PEAK1: variants seen among roughly 807,000 people sequenced by gnomAD.
PEAK1 encodes pseudopodium enriched atypical kinase 1.
Under a neutral mutation model 124.7 loss-of-function variants are expected in PEAK1, and 54 were observed. The ratio of observed to expected loss-of-function variants is 0.43; its 90% CI spans 0.35 to 0.54. The LOEUF is 0.54. Ranked by LOEUF, PEAK1 falls within the 20% of genes least tolerant of loss-of-function variation. The probability of loss-of-function intolerance (pLI) is 0.01; values close to 1 mark genes in which losing one functional copy is unlikely to be tolerated. For missense variants in PEAK1, 2,046 were observed against 2,134.5 expected, an observed-to-expected ratio of 0.96 and a Z score of 0.82; for synonymous variants, 719 against 760.0, an observed-to-expected ratio of 0.95 and a Z score of 0.89.
chr15:77,203,352 G>C (rs188033190), intron 6 of PEAK1, among the ~76,000 whole-genome samples: 4 of 152,292 alleles, frequency 2.6e-5, no homozygotes, highest in African/African-American at 7.2e-5. Flanking sequence ...CTGGGAAATA[G>C]TAGCTGTGAA....
intron 1 of PEAK1, among the ~76,000 whole-genome samples, chr15:77,368,935 T>C (rs957125449): frequency 1.3e-5 from 2 of 152,226 alleles, no homozygotes; most frequent in Admixed American, 1.3e-4. Context: ...GAACTGATTT[T>C]AAACCAGTGA....
chr15:77,182,409 A>T (rs949227801), intron 6 of PEAK1, among the ~76,000 whole-genome samples: 8 of 151,912 alleles, frequency 5.3e-5, no homozygotes, highest in Admixed American at 4.6e-4. Flanking sequence ...CTACCCTTGA[A>T]TGTTTTAGAC....
At chr15:77,360,285 C>T (rs2067799667) in intron 2 of PEAK1, among the ~76,000 whole-genome samples, 1 of 152,046 alleles carries the variant, frequency 6.6e-6, no homozygotes, top group Admixed American at 6.5e-5. Context: ...CAATAAAACT[C>T]CTAGAAGAAA....
chr15:77,412,418 C>T (rs2072488328), intron 1 of PEAK1, among the ~76,000 whole-genome samples: 1 of 152,202 alleles, frequency 6.6e-6, no homozygotes, highest in African/African-American at 2.4e-5. Context: ...TTAATGACAA[C>T]TCTATCCTTC....
chr15:77,412,172 T>C (rs1037153475), intron 1 of PEAK1, among the ~76,000 whole-genome samples: 4 of 152,170 alleles, frequency 2.6e-5, no homozygotes, highest in African/African-American at 9.7e-5. Flanking sequence ...TTAAATTTCT[T>C]CTCTTCTCTA....
chr15:77,133,684 G>C lies in PEAK1; in HGVS notation c.3398C>G (p.Ala1133Gly), dbSNP rs1360477494. Residue 1133 changes from alanine to glycine, a missense_variant, in exon 9 of 10, where the codon GCC becomes GGC. By Grantham distance (60) the Ala-to-Gly change is moderately conservative. Coordinates refer to ENST00000682557, the MANE Select transcript of PEAK1 (RefSeq NM_001385026.1). The surrounding 1 kb of genome is among the most constrained non-coding windows in gnomAD (Gnocchi z 4.2). ...GTCTGTTTTCCCTCCAAAGGCGATG[G>C]CATCGTCCACAGCTCCCTTGGGCTG... ...PRQPKGAVDDAIAFGGKTDQE... is the reference protein window; with the variant it reads ...PRQPKGAVDDGIAFGGKTDQE... The C allele has an allele frequency of 6.2e-7, 1 of 1,614,036 alleles. No homozygotes were observed. Among genetic ancestry groups the C allele is most frequent in the Admixed American group, 1.7e-5 (1 of 60,012 alleles).
At chr15:77,211,741 A>G (rs1437738312) in intron 6 of PEAK1, among the ~76,000 whole-genome samples, 1 of 150,664 alleles carries the variant, frequency 6.6e-6, no homozygotes, top group African/African-American at 2.4e-5. Flanking sequence ...TCAGCTACTC[A>G]GGAGGCTGAG....
At chr15:77,254,825 G>C (rs2061051697) in intron 5 of PEAK1, among the ~76,000 whole-genome samples, 1 of 152,154 alleles carries the variant, frequency 6.6e-6, no homozygotes, top group South Asian at 2.1e-4. Context: ...AAGTAGTAGA[G>C]AAACAATAAA....
chr15:77,151,891 C>G (rs1216111893), intron 8 of PEAK1, among the ~76,000 whole-genome samples: 2 of 152,136 alleles, frequency 1.3e-5, no homozygotes, highest in African/African-American at 2.4e-5. Flanking sequence ...GGTAACAGTA[C>G]CATGCTGTTT....
chr15:77,360,286 C>T (rs2067799904), intron 2 of PEAK1, among the ~76,000 whole-genome samples: 1 of 152,006 alleles, frequency 6.6e-6, no homozygotes, highest in South Asian at 2.1e-4. Flanking sequence ...AATAAAACTC[C>T]TAGAAGAAAA....
At chr15:77,165,252 T>C (rs2056000547) in intron 7 of PEAK1, among the ~76,000 whole-genome samples, 1 of 150,422 alleles carries the variant, frequency 6.6e-6, no homozygotes, top group African/African-American at 2.5e-5. Flanking sequence ...CGGAGTGCAG[T>C]GGCACGAACT....
intron 9 of PEAK1, among the ~76,000 whole-genome samples, chr15:77,126,652 A>G (rs1406085904): frequency 6.6e-6 from 1 of 152,230 alleles, no homozygotes; most frequent in African/African-American, 2.4e-5. Context: ...GTACTATAAC[A>G]ATCATCTGAG....
At chr15:77,252,860 G>A (rs1469380006) in intron 5 of PEAK1, among the ~76,000 whole-genome samples, 2 of 151,982 alleles carry the variant, frequency 1.3e-5, no homozygotes, top group South Asian at 2.1e-4. Flanking sequence ...CATTAAACTC[G>A]AACTTTATAA....
At chr15:77,252,195 C>A (rs2060912997) in intron 6 of PEAK1, among the ~76,000 whole-genome samples, 172 bp downstream of exon 6, 1 of 152,194 alleles carries the variant, frequency 6.6e-6, no homozygotes, top group Non-Finnish European at 1.5e-5. Flanking sequence ...GGAAAAAATT[C>A]TTTTGAGCAA....
chr15:77,303,351 T>C (rs1208397852), intron 2 of PEAK1, among the ~76,000 whole-genome samples: 1 of 152,210 alleles, frequency 6.6e-6, no homozygotes, highest in Non-Finnish European at 1.5e-5. Flanking sequence ...GGCTGTAACA[T>C]TTTACATTCT....
intron 5 of PEAK1, among the ~76,000 whole-genome samples, chr15:77,266,846 C>T (rs931038361): frequency 3.9e-5 from 6 of 152,122 alleles, no homozygotes; most frequent in Admixed American, 2.0e-4. Flanking sequence ...TTTGAAGGAG[C>T]TGGATTGCTG....
intron 2 of PEAK1, among the ~76,000 whole-genome samples, chr15:77,295,964 CTG>C (rs1372905507): frequency 1.3e-5 from 2 of 152,116 alleles, no homozygotes; most frequent in East Asian, 3.9e-4. Context: ...CGTCAATGTG[CTG>C]ATGTTTCTAA....
chr15:77,146,889 C>G lies in PEAK1; in HGVS notation c.3331+11614G>C, dbSNP rs552387129. On this transcript the variant is annotated intron_variant, in intron 8 of 9. Transcript: ENST00000682557. ...CAACATTATTCTATAATTACAACATCAAGGCCAGCAAGGTAATGACATTCT... is the reference window on the plus strand; with the variant it reads ...CAACATTATTCTATAATTACAACATGAAGGCCAGCAAGGTAATGACATTCT... 4.6e-5 allele frequency among the ~76,000 whole-genome samples: 7 copies of G among 152,254 alleles called. 1 individual carries two copies. Among genetic ancestry groups the G allele is most frequent in the African/African-American group, 1.7e-4 (7 of 41,548 alleles).
chr15:77,203,460 C>G (rs748445723), intron 6 of PEAK1, among the ~76,000 whole-genome samples: 9 of 151,922 alleles, frequency 5.9e-5, no homozygotes, highest in Non-Finnish European at 1.3e-4. Flanking sequence ...GAGCACAACC[C>G]AAAGAATAAA....
Sources: allele counts gnomAD v4.1 joint callset (sites outside exome capture counted in the v4.1 genomes callset), GRCh38; gene constraint gnomAD v4.1.1; non-coding constraint Gnocchi (gnomAD v3.1); transcripts MANE v1.5; gene names NCBI Gene and HGNC (gene_info 2026-07-23, HGNC 2026-07-21).